The following LSAMP variants were observed in gnomAD, a reference collection of about 807,000 sequenced individuals.
LSAMP encodes the protein limbic system associated membrane protein.
A neutral mutation model predicts 38.6 loss-of-function variants in LSAMP; 7 were observed. That is an observed-to-expected ratio of 0.18 (90% CI 0.10 to 0.34). The LOEUF (loss-of-function observed/expected upper bound fraction) is 0.34. Among genes scored for constraint, LSAMP ranks in the 10% least tolerant of loss-of-function variants. LSAMP has a pLI of 1.00. For synonymous variants in LSAMP, 154 were observed against 166.8 expected (o/e 0.92, Z 0.59); for missense variants, 313 against 420.0 (o/e 0.75, Z 2.23).
At chr3:116,078,287 T>C (rs1247151276) in intron 2 of LSAMP, among the ~76,000 whole-genome samples, 1 of 150,902 alleles carries the variant, frequency 6.6e-6, no homozygotes, top group Non-Finnish European at 1.5e-5. Flanking sequence ...CTTTATTTAT[T>C]TATTTATTTA....
chr3:116,196,725 T>A (rs538171856), intron 1 of LSAMP, among the ~76,000 whole-genome samples: 1 of 152,314 alleles, frequency 6.6e-6, no homozygotes, highest in South Asian at 2.1e-4. Context: ...CTAGTTCCTG[T>A]TATGGGTAAA....
At chr3:116,195,924 T>C (rs990243825) in intron 1 of LSAMP, among the ~76,000 whole-genome samples, 1 of 152,186 alleles carries the variant, frequency 6.6e-6, no homozygotes, top group Non-Finnish European at 1.5e-5. Flanking sequence ...CTTAGCGATG[T>C]TTATATGTAT....
At position 115,808,243 on chromosome 3, in the gene LSAMP, A is replaced by G. The variant is rs980694994; in HGVS notation, c.*2074T>C. 4.0e-5 allele frequency: 6 copies of G among 149,846 alleles called. No homozygotes were observed. Among genetic ancestry groups the G allele is most frequent in the Admixed American group, 3.3e-4 (5 of 14,980 alleles). 9.3% of individuals were successfully genotyped at this position (149,846 alleles called of 1,614,324 possible). ...CAGTTACAAAGTTTCTCATTTTATA[A>G]CATGGAACAGCTATTTACAAGGTTC... is the stretch of plus-strand genomic sequence containing the variant. On this transcript the variant is annotated 3_prime_UTR_variant, in exon 7 of 7. Transcript: ENST00000490035.
chr3:116,410,592 A>C (rs986303429), intron 1 of LSAMP, among the ~76,000 whole-genome samples: 7 of 151,952 alleles, frequency 4.6e-5, no homozygotes, highest in Non-Finnish European at 8.8e-5. Flanking sequence ...AAAACTTTTC[A>C]TAGCAAAATT....
intron 1 of LSAMP, among the ~76,000 whole-genome samples, chr3:116,283,219 GAAGA>G (rs10678841): frequency 0.13 from 19,714 of 151,424 alleles, 1,610 homozygotes; most frequent in Non-Finnish European, 0.19. Context: ...AGAAAAAAAA[GAAGA>G]AAGAAAGAAA....
intron 1 of LSAMP, among the ~76,000 whole-genome samples, chr3:116,261,956 AAG>A (rs796628761): frequency 2.1e-4 from 32 of 151,266 alleles, no homozygotes; most frequent in African/African-American, 7.5e-4. Context: ...AAATTAAAGT[AAG>A]AGACCAGTTG....
At chr3:115,969,137 C>T (rs920550351) in intron 3 of LSAMP, among the ~76,000 whole-genome samples, 1 of 152,088 alleles carries the variant, frequency 6.6e-6, no homozygotes, top group African/African-American at 2.4e-5. Flanking sequence ...AGGATAAAAC[C>T]AGGTACTGTG....
At chr3:116,383,448 T>C (rs1421160021) in intron 1 of LSAMP, among the ~76,000 whole-genome samples, 1 of 152,140 alleles carries the variant, frequency 6.6e-6, no homozygotes, top group Non-Finnish European at 1.5e-5. Flanking sequence ...ATTCTATTAT[T>C]TTAAAGCAAT....
intron 1 of LSAMP, among the ~76,000 whole-genome samples, chr3:116,252,402 C>T (rs972334810): frequency 2.6e-5 from 4 of 152,248 alleles, no homozygotes; most frequent in Admixed American, 2.0e-4. Flanking sequence ...CCATTTAAAG[C>T]CAGTCATAAT....
intron 3 of LSAMP, among the ~76,000 whole-genome samples, chr3:115,997,052 C>T (rs1939835073): frequency 6.6e-6 from 1 of 152,080 alleles, no homozygotes; most frequent in Admixed American, 6.6e-5. Context: ...GTTATAGAGC[C>T]CTGTGGACCT....
intron 2 of LSAMP, among the ~76,000 whole-genome samples, chr3:116,074,277 T>C (rs112148076): frequency 1.1e-4 from 16 of 152,194 alleles, no homozygotes; most frequent in Non-Finnish European, 2.2e-4. Flanking sequence ...CCCAACCATA[T>C]TGACAAGGAG....
At chr3:116,424,992 T>C (rs1217755238) in intron 1 of LSAMP, among the ~76,000 whole-genome samples, 1 of 150,866 alleles carries the variant, frequency 6.6e-6, no homozygotes, top group Non-Finnish European at 1.5e-5. Flanking sequence ...TCACTAGAAG[T>C]TGAAGAAGGA....
At chr3:115,814,561 C>T (rs952523871) in intron 6 of LSAMP, among the ~76,000 whole-genome samples, 3 of 152,094 alleles carry the variant, frequency 2.0e-5, no homozygotes, top group South Asian at 2.1e-4. Flanking sequence ...ATCTGGTCAA[C>T]GGTTTTCTGT....
At chr3:115,839,081 C>T (rs189271383) in intron 6 of LSAMP, among the ~76,000 whole-genome samples, 28 of 152,300 alleles carry the variant, frequency 1.8e-4, no homozygotes, top group African/African-American at 6.3e-4. Context: ...CATTTCTCCC[C>T]TCCTGACTCT....
intron 1 of LSAMP, among the ~76,000 whole-genome samples, chr3:116,376,430 C>G (rs2048493999): frequency 6.6e-6 from 1 of 151,992 alleles, no homozygotes; most frequent in African/African-American, 2.4e-5. Flanking sequence ...CAAAAACCAA[C>G]AACAAAACCT....
intron 3 of LSAMP, among the ~76,000 whole-genome samples, chr3:115,977,600 T>C (rs2107621182): frequency 6.6e-6 from 1 of 152,326 alleles, no homozygotes; most frequent in Middle Eastern, 3.4e-3. Context: ...ATTGTACTGA[T>C]TCTTGCAAGT....
chr3:115,880,843 C>A (rs1209736864), intron 3 of LSAMP, among the ~76,000 whole-genome samples: 1 of 151,664 alleles, frequency 6.6e-6, no homozygotes, highest in Non-Finnish European at 1.5e-5. Context: ...ACCAGCCCGG[C>A]CTACCAACAT....
At chr3:116,075,277 C>T (rs1707712911) in intron 2 of LSAMP, among the ~76,000 whole-genome samples, 1 of 151,750 alleles carries the variant, frequency 6.6e-6, no homozygotes, top group Admixed American at 6.6e-5. Context: ...GCTGGGACTA[C>T]AGGCACGTGC....
chr3:115,821,152 A>G (rs1934223924), intron 6 of LSAMP, among the ~76,000 whole-genome samples: 1 of 151,806 alleles, frequency 6.6e-6, no homozygotes. Flanking sequence ...CCCTCCATCC[A>G]CATCTCTGAA....
Sources: gnomAD v4.1 joint callset for allele counts (sites outside exome capture counted in the v4.1 genomes callset) on GRCh38, gnomAD v4.1.1 for gene constraint, MANE v1.5 for transcripts, NCBI Gene and HGNC (gene_info 2026-07-23, HGNC 2026-07-21) for gene names.